KIAA0513: variants seen among roughly 807,000 people sequenced by gnomAD.
The protein encoded by KIAA0513 is uncharacterized protein KIAA0513.
Under a neutral mutation model 56.5 loss-of-function variants are expected in KIAA0513, and 39 were observed. That is an observed-to-expected ratio of 0.69 (90% CI 0.53 to 0.90). The LOEUF is 0.90. KIAA0513 is among the 40% of genes least tolerant of loss of function. KIAA0513 has a pLI of 0.00. For synonymous variants in KIAA0513, 268 were observed against 215.6 expected (o/e 1.24, Z -2.13); for missense variants, 591 against 535.2 (o/e 1.10, Z -1.03).
At chr16:85,054,245 T>C (rs962330692) in intron 1 of KIAA0513, among the ~76,000 whole-genome samples, 1 of 152,146 alleles carries the variant, frequency 6.6e-6, no homozygotes, top group South Asian at 2.1e-4. Context: ...AAAGAATGTC[T>C]TTTAGAATTA....
chr16:85,040,553 A>G (rs145008746), intron 1 of KIAA0513, among the ~76,000 whole-genome samples: 4 of 152,278 alleles, frequency 2.6e-5, no homozygotes, highest in African/African-American at 9.6e-5. Context: ...TCCAATGTCC[A>G]TCATCGCAGG....
Position 85,088,514 on chromosome 16 carries a change from C to G in KIAA0513, c.*189C>G, listed in dbSNP as rs534426859. The G allele has an allele frequency of 1.8e-6, 1 of 570,630 alleles. No homozygotes were observed. The highest frequency in any genetic ancestry group is 3.0e-6 in the Non-Finnish European group (1 of 328,642). 35.3% of individuals were successfully genotyped at this position (570,630 alleles called of 1,614,324 possible). On this transcript the variant is annotated 3_prime_UTR_variant, in exon 13 of 13. Coordinates refer to ENST00000683363, the MANE Select transcript of KIAA0513 (RefSeq NM_001388359.1). Reference sequence around the variant, plus strand: ...TCATCTCCTCTGCCTGTGTCTGCGACCCCCATCCATGTGCCAAAGTGTCCC... The same window carrying G: ...TCATCTCCTCTGCCTGTGTCTGCGAGCCCCATCCATGTGCCAAAGTGTCCC...
Position 85,090,179 on chromosome 16 carries a change from A to C in KIAA0513, c.*1854A>C, listed in dbSNP as rs2073853948. The C allele has an allele frequency of 6.6e-6, 1 of 151,954 alleles. No homozygotes were observed. The highest frequency in any genetic ancestry group is 6.6e-5 in the Admixed American group (1 of 15,254). 9.4% of individuals were successfully genotyped at this position (151,954 alleles called of 1,614,324 possible). A position where few individuals can be genotyped will look rare whatever the true frequency, so the allele number is the denominator to read the frequency against. ...GGTTGTGTGGACACCCCTCGCTCTGATGCCAACTGCAGATAATACACACCT... is the reference window on the plus strand; with the variant it reads ...GGTTGTGTGGACACCCCTCGCTCTGCTGCCAACTGCAGATAATACACACCT... On this transcript the variant is annotated 3_prime_UTR_variant, in exon 13 of 13. Transcript: ENST00000683363.
At chr16:85,038,490 T>C (rs769645601) in intron 1 of KIAA0513, among the ~76,000 whole-genome samples, 4 of 152,092 alleles carry the variant, frequency 2.6e-5, no homozygotes, top group Non-Finnish European at 4.4e-5. Context: ...GTGGATCACT[T>C]GAGGTCAGGA....
chr16:85,039,215 C>T (rs541369871), intron 1 of KIAA0513, among the ~76,000 whole-genome samples: 5 of 152,244 alleles, frequency 3.3e-5, no homozygotes, highest in Admixed American at 2.0e-4. Context: ...CCTATTTTAA[C>T]CAGGCCCATT....
chr16:85,085,895 A>T (rs2073802348), intron 10 of KIAA0513, among the ~76,000 whole-genome samples: 1 of 152,126 alleles, frequency 6.6e-6, no homozygotes. Flanking sequence ...CTTTGTTCTC[A>T]CGCCTGGGTG....
chr16:85,056,277 C>T (rs928067104), intron 1 of KIAA0513, among the ~76,000 whole-genome samples: 3 of 152,232 alleles, frequency 2.0e-5, no homozygotes, highest in Non-Finnish European at 2.9e-5. Flanking sequence ...TTCCCATCAG[C>T]GCGGCGTTAG....
intron 1 of KIAA0513, among the ~76,000 whole-genome samples, chr16:85,034,488 G>C (rs1237393579): frequency 2.6e-5 from 4 of 152,184 alleles, no homozygotes; most frequent in Admixed American, 2.6e-4. Context: ...GTAAATGTGG[G>C]GCAAGAGTGT....
At chr16:85,074,975 C>T (rs1464824562) in intron 4 of KIAA0513, among the ~76,000 whole-genome samples, 1 of 151,618 alleles carries the variant, frequency 6.6e-6, no homozygotes, top group Admixed American at 6.6e-5. Flanking sequence ...AAGTCCCAAC[C>T]CTGCCAAAAC....
At chr16:85,042,258 A>C (rs775977705) in intron 1 of KIAA0513, among the ~76,000 whole-genome samples, 7 of 152,200 alleles carry the variant, frequency 4.6e-5, no homozygotes, top group Non-Finnish European at 8.8e-5. Flanking sequence ...GAGAAGTTCA[A>C]ATGCTTTGGA....
At position 85,094,083 on chromosome 16, in the gene KIAA0513, T is replaced by G. The variant is rs530477293; in HGVS notation, c.*5758T>G. The G allele has an allele frequency of 6.6e-6, 1 of 152,344 alleles. No homozygotes were observed. The highest frequency in any genetic ancestry group is 1.9e-4 in the East Asian group (1 of 5,192). 9.4% of individuals were successfully genotyped at this position (152,344 alleles called of 1,614,324 possible). A position where few individuals can be genotyped will look rare whatever the true frequency, so the allele number is the denominator to read the frequency against. The stretch of plus-strand genomic sequence containing the variant: ...CCGCTCGGTGATGTTCTACAAACTC[T>G]GTTTTAAGGTTGAGAAAGTTTCAAG... On this transcript the variant is annotated 3_prime_UTR_variant, in exon 13 of 13. Coordinates refer to ENST00000683363, the MANE Select transcript of KIAA0513 (RefSeq NM_001388359.1).
intron 1 of KIAA0513, among the ~76,000 whole-genome samples, chr16:85,040,076 C>G (rs1023908931): frequency 1.3e-5 from 2 of 152,108 alleles, no homozygotes; most frequent in African/African-American, 4.8e-5. Flanking sequence ...TCAGGTGATC[C>G]GCCCGCCTCA....
chr16:85,071,592 G>A (rs961105917), intron 2 of KIAA0513, among the ~76,000 whole-genome samples, 191 bp from the exon 3 acceptor site: 1 of 152,150 alleles, frequency 6.6e-6, no homozygotes, highest in African/African-American at 2.4e-5. Context: ...CAGGCTCCTC[G>A]CCTTTGAAAT....
intron 10 of KIAA0513, among the ~76,000 whole-genome samples, chr16:85,083,687 G>A (rs760601733): frequency 6.6e-6 from 1 of 152,168 alleles, no homozygotes; most frequent in Non-Finnish European, 1.5e-5. Flanking sequence ...AGGCAGATTC[G>A]CTTTGACCAC....
chr16:85,070,585 G>C (rs1368016557), intron 2 of KIAA0513, among the ~76,000 whole-genome samples: 1 of 152,208 alleles, frequency 6.6e-6, no homozygotes, highest in African/African-American at 2.4e-5. Context: ...GGCTGAGGCA[G>C]GAAAATCACT....
chr16:85,077,341 T>C (rs1216121167), intron 5 of KIAA0513, 84 bp from the exon 6 acceptor site: 5 of 1,328,722 alleles, frequency 3.8e-6, no homozygotes, highest in Non-Finnish European at 5.3e-6. Flanking sequence ...ACAGGACCCC[T>C]GCGGGGCTCC....
In KIAA0513 at chr16:85,091,637, T is replaced by G. The variant is rs1425104000; in HGVS notation, c.*3312T>G. The G allele has an allele frequency of 6.6e-6, 1 of 152,202 alleles. No homozygotes were observed. The highest frequency in any genetic ancestry group is 2.4e-5 in the African/African-American group (1 of 41,450). The allele number at this position is 152,202 out of a possible 1,614,324, so 9.4% of individuals were successfully genotyped here. ...CAGACATCACCAAGTCTCGTCTTCT[T>G]TCCTTCCTGTGAGTTGAAACCAAAC... On this transcript the variant is annotated 3_prime_UTR_variant, in exon 13 of 13. Coordinates refer to ENST00000683363, the MANE Select transcript of KIAA0513 (RefSeq NM_001388359.1).
chr16:85,048,644 T>C (rs1473079566), intron 1 of KIAA0513, among the ~76,000 whole-genome samples: 1 of 152,136 alleles, frequency 6.6e-6, no homozygotes, highest in Non-Finnish European at 1.5e-5. Flanking sequence ...TTTGGGAGGC[T>C]GAGGTGGGAG....
Position 85,067,337 on chromosome 16 carries a change from A to T in KIAA0513, c.266A>T (p.Asp89Val). 2 of 1,611,466 alleles carry T rather than the reference A, an allele frequency of 1.2e-6. No individual in the cohort carries two copies. Among genetic ancestry groups the T allele is most frequent in the Non-Finnish European group, 1.7e-6 (2 of 1,180,006 alleles). The change falls in exon 2 of 13, where the codon GAT (aspartate) becomes GTT (valine). Residue 89 changes from aspartate (D) to valine (V), a missense_variant. Coordinates refer to ENST00000683363, the MANE Select transcript of KIAA0513 (RefSeq NM_001388359.1). ...SSNQSTESTQ[D>V]EETLALRDFM... Reference sequence around the variant, plus strand: ...AACCAGAGCACCGAGTCTACCCAGGATGAAGAGACCCTGGCACTCAGGGAC... The same window carrying T: ...AACCAGAGCACCGAGTCTACCCAGGTTGAAGAGACCCTGGCACTCAGGGAC...
Sources: allele counts gnomAD v4.1 joint callset (sites outside exome capture counted in the v4.1 genomes callset), GRCh38; gene constraint gnomAD v4.1.1; transcripts MANE v1.5; gene names NCBI Gene and HGNC (gene_info 2026-07-23, HGNC 2026-07-21).